Variants in ZFAND3 observed in about 807,000 individuals in gnomAD.
ZFAND3 encodes the protein zinc finger AN1-type containing 3.
In ZFAND3, 10 loss-of-function variants were observed where a neutral mutation model predicts 29.6. The observed-to-expected ratio is 0.34, with a 90% CI of 0.21 to 0.57. ZFAND3 has a LOEUF of 0.57. Ranked by LOEUF, ZFAND3 falls within the 20% of genes least tolerant of loss-of-function variation. The probability of loss-of-function intolerance (pLI) is 0.86; values close to 1 mark genes in which losing one functional copy is unlikely to be tolerated. For synonymous variants in ZFAND3, 128 were observed against 112.6 expected (o/e 1.14, Z -0.87); for missense variants, 230 against 304.5 (o/e 0.76, Z 1.82).
chr6:37,960,973 G>A (rs539140128), intron 2 of ZFAND3, among the ~76,000 whole-genome samples: 1 of 152,154 alleles, frequency 6.6e-6, no homozygotes, highest in Non-Finnish European at 1.5e-5. Context: ...TAGTCAGGAG[G>A]CTGAGGTGAG....
intron 2 of ZFAND3, among the ~76,000 whole-genome samples, chr6:37,978,729 G>A (rs752581518): frequency 6.6e-6 from 1 of 151,862 alleles, no homozygotes; most frequent in East Asian, 1.9e-4. Flanking sequence ...CATTTCATCC[G>A]TCTCAGCTCA....
At chr6:38,117,471 C>T (rs1765444165) in intron 5 of ZFAND3, among the ~76,000 whole-genome samples, 1 of 152,246 alleles carries the variant, frequency 6.6e-6, no homozygotes, top group South Asian at 2.1e-4. Flanking sequence ...CCCTTTCTCT[C>T]TTCTTGACCA....
chr6:37,922,614 A>C (rs1761404455), intron 1 of ZFAND3, among the ~76,000 whole-genome samples: 3 of 152,210 alleles, frequency 2.0e-5, no homozygotes. Context: ...GTGTCCTTAC[A>C]CAAACCTAGG....
chr6:38,122,857 G>T (rs553595480), intron 5 of ZFAND3, among the ~76,000 whole-genome samples: 21 of 152,324 alleles, frequency 1.4e-4, no homozygotes, highest in African/African-American at 4.3e-4. Context: ...TTTCACAATT[G>T]GGGCTTTAAA....
chr6:37,899,067 G>T (rs1233801751), intron 1 of ZFAND3, among the ~76,000 whole-genome samples: 1 of 151,798 alleles, frequency 6.6e-6, no homozygotes, highest in Non-Finnish European at 1.5e-5. Context: ...GGCTAATTTT[G>T]TTTTTGTATT....
At position 38,086,889 on chromosome 6, in the gene ZFAND3, C is replaced by T. The variant is rs576477337; in HGVS notation, c.361+4432C>T. ...AAAGACCCAGAATAGACAAAGCTATCGTAAGCAAAAAGAACAAAACTGGAG... is the reference window on the plus strand; with the variant it reads ...AAAGACCCAGAATAGACAAAGCTATTGTAAGCAAAAAGAACAAAACTGGAG... On this transcript the variant is annotated intron_variant, in intron 4 of 5. Transcript: ENST00000287218. Among the ~76,000 whole-genome samples, 11 of 152,170 alleles carry T rather than the reference C, an allele frequency of 7.2e-5. No individual in the cohort carries two copies. In the East Asian group the frequency reaches 2.1e-3, roughly 29 times the overall value.
chr6:37,891,735 TTTG>T (rs1356315896), intron 1 of ZFAND3, among the ~76,000 whole-genome samples: 4 of 152,146 alleles, frequency 2.6e-5, no homozygotes, highest in African/African-American at 4.8e-5. Context: ...ATTATTCTTT[TTTG>T]TTGTTGTTGA....
chr6:38,029,740 A>G (rs1763513812), intron 2 of ZFAND3, among the ~76,000 whole-genome samples: 1 of 152,184 alleles, frequency 6.6e-6, no homozygotes, highest in African/African-American at 2.4e-5. Context: ...ATACAAAGAA[A>G]ATATGAAGCG....
At chr6:37,847,394 T>C (rs1764201305) in intron 1 of ZFAND3, among the ~76,000 whole-genome samples, 1 of 151,954 alleles carries the variant, frequency 6.6e-6, no homozygotes, top group Admixed American at 6.6e-5. Flanking sequence ...GCCAGCATGG[T>C]GAAACCCTGT....
intron 1 of ZFAND3, among the ~76,000 whole-genome samples, chr6:37,927,248 C>T (rs908797974): frequency 1.3e-5 from 2 of 152,160 alleles, no homozygotes; most frequent in African/African-American, 2.4e-5. Flanking sequence ...TTCTGAAACT[C>T]AGATGTTAAA....
chr6:38,037,352 CAG>C (rs761113356), intron 2 of ZFAND3, among the ~76,000 whole-genome samples: 1 of 152,160 alleles, frequency 6.6e-6, no homozygotes, highest in Non-Finnish European at 1.5e-5. Context: ...TTCAGTAGAA[CAG>C]AATTTCTGGA....
intron 2 of ZFAND3, among the ~76,000 whole-genome samples, chr6:38,006,975 A>T (rs1763061778): frequency 6.6e-6 from 1 of 152,172 alleles, no homozygotes; most frequent in African/African-American, 2.4e-5. Context: ...GAGTTCTCAG[A>T]GAAGGAAGAG....
intron 4 of ZFAND3, among the ~76,000 whole-genome samples, chr6:38,098,902 TTTTTTG>T (rs917989923): frequency 3.9e-5 from 6 of 152,276 alleles, no homozygotes; most frequent in Middle Eastern, 3.4e-3. Context: ...TTGTTTTTTG[TTTTTTG>T]TTTTTGTTTT....
chr6:38,125,938 TATTAC>T (rs1021771339), intron 5 of ZFAND3, among the ~76,000 whole-genome samples: 1 of 152,230 alleles, frequency 6.6e-6, no homozygotes, highest in African/African-American at 2.4e-5. Flanking sequence ...TTTTAGTTCT[TATTAC>T]ATTATTCATT....
intron 2 of ZFAND3, among the ~76,000 whole-genome samples, chr6:38,041,667 CTT>C (rs1561976703): frequency 3.8e-4 from 9 of 23,452 alleles, no homozygotes; most frequent in African/African-American, 4.8e-4. Context: ...TCTTCTTCTT[CTT>C]CTTCTTCTTC....
At chr6:38,029,238 A>G (rs72852512) in intron 2 of ZFAND3, among the ~76,000 whole-genome samples, 5 of 152,194 alleles carry the variant, frequency 3.3e-5, no homozygotes, top group Non-Finnish European at 7.3e-5. Flanking sequence ...GGCCATATCT[A>G]CAAACGAGTA....
At chr6:37,891,760 G>A (rs1376996386) in intron 1 of ZFAND3, among the ~76,000 whole-genome samples, 1 of 151,874 alleles carries the variant, frequency 6.6e-6, no homozygotes, top group African/African-American at 2.4e-5. Context: ...ACTGAGTCTC[G>A]CTCTGTCGCT....
intron 1 of ZFAND3, among the ~76,000 whole-genome samples, chr6:37,892,878 C>A (rs191470519): frequency 6.6e-6 from 1 of 152,122 alleles, no homozygotes; most frequent in Non-Finnish European, 1.5e-5. Context: ...TTCTTAGACT[C>A]TGAACTTCTG....
chr6:37,927,147 G>T (rs1761499799), intron 1 of ZFAND3, among the ~76,000 whole-genome samples: 1 of 152,162 alleles, frequency 6.6e-6, no homozygotes, highest in Non-Finnish European at 1.5e-5. Flanking sequence ...TAATACATAG[G>T]TATGGTAGGC....
Sources: allele counts gnomAD v4.1 joint callset (sites outside exome capture counted in the v4.1 genomes callset), GRCh38; gene constraint gnomAD v4.1.1; transcripts MANE v1.5; gene names NCBI Gene and HGNC (gene_info 2026-07-23, HGNC 2026-07-21).